RHBDL2: variants seen among roughly 807,000 people sequenced by gnomAD.
The protein encoded by RHBDL2 is rhomboid like 2.
RHBDL2 carries 26 observed loss-of-function variants against 31.7 expected under a neutral mutation model. That is an observed-to-expected ratio of 0.82 (90% CI 0.60 to 1.14). The LOEUF is 1.14. Ranked by LOEUF, RHBDL2 falls within the 50% of genes most tolerant of loss-of-function variation. The pLI is 0.00. For missense variants in RHBDL2, 336 were observed against 364.4 expected, an observed-to-expected ratio of 0.92 and a Z score of 0.63; for synonymous variants, 123 against 127.2, an observed-to-expected ratio of 0.97 and a Z score of 0.22.
chr1:38,917,358 G>A (rs1258045962), intron 2 of RHBDL2, among the ~76,000 whole-genome samples: 2 of 152,010 alleles, frequency 1.3e-5, no homozygotes, highest in African/African-American at 2.4e-5. Flanking sequence ...TCTCTATAGA[G>A]GTAAAATTAT....
intron 4 of RHBDL2, among the ~76,000 whole-genome samples, chr1:38,902,418 T>A (rs893800544): frequency 1.2e-5 from 1 of 84,244 alleles, no homozygotes; most frequent in African/African-American, 4.8e-5. Context: ...TTTTATTTTT[T>A]TTATTATTTT....
At chr1:38,909,513 G>A (rs1643113117) in intron 4 of RHBDL2, among the ~76,000 whole-genome samples, 1 of 152,096 alleles carries the variant, frequency 6.6e-6, no homozygotes, top group Admixed American at 6.6e-5. Context: ...GGAGGCCAAG[G>A]TGTGTGGATC....
At chr1:38,941,221 T>G (rs1224468578) in intron 1 of RHBDL2, among the ~76,000 whole-genome samples, 1 of 152,184 alleles carries the variant, frequency 6.6e-6, no homozygotes, top group African/African-American at 2.4e-5. Context: ...CAAATAACTC[T>G]GGAGGAGCCG....
At chr1:38,929,617 T>C (rs1643418110) in intron 1 of RHBDL2, 2 of 1,257,570 alleles carry the variant, frequency 1.6e-6, no homozygotes, top group East Asian at 1.1e-4. Flanking sequence ...CGCCTTGATG[T>C]GGCTGGGGAG....
intron 3 of RHBDL2, among the ~76,000 whole-genome samples, chr1:38,912,900 ATATATATATATGTGTGTGTGTGTG>A (rs1174406568): frequency 7.9e-4 from 78 of 98,488 alleles, no homozygotes; most frequent in Non-Finnish European, 1.2e-3. Flanking sequence ...ATATATATAT[ATATATATATATGTGTGTGTGTGTG>A]TGTGTGTGTG....
chr1:38,932,408 C>T (rs929032861), intron 1 of RHBDL2, among the ~76,000 whole-genome samples: 1 of 152,110 alleles, frequency 6.6e-6, no homozygotes, highest in Non-Finnish European at 1.5e-5. Flanking sequence ...TGAACCCTGC[C>T]CAAATCCCTG....
chr1:38,907,778 A>G (rs1375487173), intron 4 of RHBDL2, among the ~76,000 whole-genome samples: 2 of 152,202 alleles, frequency 1.3e-5, no homozygotes, highest in Admixed American at 6.5e-5. Context: ...GCATAAAGCT[A>G]TAATTTTTAG....
intron 2 of RHBDL2, among the ~76,000 whole-genome samples, chr1:38,918,417 G>C (rs1258352633): frequency 6.6e-6 from 1 of 152,132 alleles, no homozygotes; most frequent in Non-Finnish European, 1.5e-5. Context: ...ACTATGATGT[G>C]ACCTTGGGAT....
chr1:38,936,914 G>A (rs1161079857), intron 1 of RHBDL2, among the ~76,000 whole-genome samples: 3 of 151,958 alleles, frequency 2.0e-5, no homozygotes, highest in Non-Finnish European at 4.4e-5. Flanking sequence ...GATTACAGGT[G>A]TGAGCCACCA....
intron 4 of RHBDL2, among the ~76,000 whole-genome samples, chr1:38,896,271 T>C (rs1642917769): frequency 6.6e-6 from 1 of 152,210 alleles, no homozygotes; most frequent in South Asian, 2.1e-4. Flanking sequence ...GAATGTTCAT[T>C]AGAACAGCAA....
At chr1:38,888,356 G>C (rs189430522) in intron 6 of RHBDL2, among the ~76,000 whole-genome samples, 1 of 146,408 alleles carries the variant, frequency 6.8e-6, no homozygotes, top group African/African-American at 2.4e-5. Flanking sequence ...GGGGGTATGT[G>C]GGGGGGTGAT....
At chr1:38,911,853 C>G (rs1251612602) in intron 3 of RHBDL2, among the ~76,000 whole-genome samples, 1 of 151,842 alleles carries the variant, frequency 6.6e-6, no homozygotes, top group Non-Finnish European at 1.5e-5. Context: ...GTCGCCCAGG[C>G]TGGAGTGCAA....
At chr1:38,935,298 A>G (rs1314006500) in intron 1 of RHBDL2, among the ~76,000 whole-genome samples, 1 of 152,248 alleles carries the variant, frequency 6.6e-6, no homozygotes, top group African/African-American at 2.4e-5. Flanking sequence ...CCCCATGACA[A>G]CTGGCTCATG....
intron 1 of RHBDL2, among the ~76,000 whole-genome samples, chr1:38,931,838 A>C (rs748316226): frequency 3.7e-4 from 57 of 152,348 alleles, no homozygotes; most frequent in Non-Finnish European, 6.3e-4. Flanking sequence ...CACCATCAGC[A>C]TGGTTAGGGC....
At chr1:38,926,326 G>T in intron 1 of RHBDL2, 1 of 451,876 alleles carries the variant, frequency 2.2e-6, no homozygotes, top group Non-Finnish European at 3.0e-6. Flanking sequence ...CAGCAGCACT[G>T]GGCGTTCAGC....
intron 1 of RHBDL2, among the ~76,000 whole-genome samples, chr1:38,930,609 C>T (rs1024674778): frequency 1.3e-5 from 2 of 152,098 alleles, no homozygotes; most frequent in Non-Finnish European, 2.9e-5. Flanking sequence ...CTGTGGTGTG[C>T]GCACTAAGGG....
intron 4 of RHBDL2, among the ~76,000 whole-genome samples, chr1:38,901,700 G>T (rs9438985): frequency 0.36 from 54,094 of 151,052 alleles, 10,802 homozygotes; most frequent in Non-Finnish European, 0.45. Context: ...GCCGGGCATG[G>T]TGGCACATGC....
At chr1:38,911,570 C>T (rs946258798) in intron 3 of RHBDL2, 136 bp from the exon 4 acceptor site, 4 of 636,322 alleles carry the variant, frequency 6.3e-6, no homozygotes, top group African/African-American at 3.7e-5. Context: ...AATTTTTCTT[C>T]GCAGACAACT....
intron 3 of RHBDL2, among the ~76,000 whole-genome samples, chr1:38,911,806 A>AT (rs1643152390): frequency 2.0e-5 from 3 of 150,354 alleles, no homozygotes; most frequent in African/African-American, 2.5e-5. Flanking sequence ...CTCCTGGCTA[A>AT]TTTTTTTTTC....
Sources: allele counts gnomAD v4.1 joint callset (sites outside exome capture counted in the v4.1 genomes callset), GRCh38; gene constraint gnomAD v4.1.1; transcripts MANE v1.5; gene names NCBI Gene and HGNC (gene_info 2026-07-23, HGNC 2026-07-21).